Variants in PTPRA observed in about 807,000 individuals in gnomAD.
PTPRA encodes protein tyrosine phosphatase receptor type A, also known as receptor-type tyrosine-protein phosphatase alpha.
In PTPRA, 25 loss-of-function variants were observed where a neutral mutation model predicts 104.8. The observed-to-expected ratio is 0.24, with a 90% CI of 0.17 to 0.33. The LOEUF is 0.33. Ranked by LOEUF, PTPRA falls within the 10% of genes least tolerant of loss-of-function variation. PTPRA has a pLI of 1.00. For missense variants in PTPRA, 765 were observed against 1,015.3 expected (o/e 0.75, Z 3.35); for synonymous variants, 323 against 368.9 (o/e 0.88, Z 1.43).
At chr20:3,019,189 G>A (rs1225783240) in intron 13 of PTPRA, among the ~76,000 whole-genome samples, 5 of 145,370 alleles carry the variant, frequency 3.4e-5, no homozygotes, top group African/African-American at 1.1e-4. Context: ...CGGGGCGGCC[G>A]GCCGGGCGTG....
At chr20:2,876,701 A>G (rs1271891160) in intron 1 of PTPRA, among the ~76,000 whole-genome samples, 1 of 152,208 alleles carries the variant, frequency 6.6e-6, no homozygotes, top group East Asian at 1.9e-4. Flanking sequence ...TAGAAGTAGA[A>G]TTACTGGGTC....
intron 1 of PTPRA, among the ~76,000 whole-genome samples, chr20:2,884,258 T>C (rs1339924220): frequency 1.3e-5 from 2 of 149,454 alleles, no homozygotes; most frequent in South Asian, 2.1e-4. Context: ...TATATATATA[T>C]ACCTAGGAGT....
Position 2,897,514 on chromosome 20 carries a change from A to C in PTPRA, c.-129+23754A>C, listed in dbSNP as rs539096217. On this transcript the variant is annotated intron_variant, in intron 1 of 23. Coordinates refer to ENST00000399903, the MANE Select transcript of PTPRA (RefSeq NM_001385305.1). Reference sequence around the variant, plus strand: ...GTGATTCTGCCACCTCACCCTCCCAAGTAGCTGGGGTTACAGGCACCCGCC... The same window carrying C: ...GTGATTCTGCCACCTCACCCTCCCACGTAGCTGGGGTTACAGGCACCCGCC... Among the ~76,000 whole-genome samples the C allele has an allele frequency of 4.6e-5, 7 of 151,176 alleles. No individual in the cohort carries two copies. In the South Asian group the frequency reaches 1.3e-3, roughly 27 times the overall value.
In PTPRA at chr20:3,032,271, C is replaced by T. The variant is rs376292136; in HGVS notation, c.1921-3314C>T. ...GTCCACTGTGCTCTTGGCCCCATTCCGTCCTGCCTGCTCAGGGATGTTGCT... is the reference window on the plus strand; with the variant it reads ...GTCCACTGTGCTCTTGGCCCCATTCTGTCCTGCCTGCTCAGGGATGTTGCT... On this transcript the variant is annotated intron_variant, in intron 20 of 23. Transcript: ENST00000399903. 3.9e-5 allele frequency among the ~76,000 whole-genome samples: 6 copies of T among 152,310 alleles called. No individual in the cohort carries two copies. The South Asian group carries it at 8.3e-4, about 21-fold the overall frequency.
chr20:2,985,578 A>T (rs1406908254), intron 6 of PTPRA, among the ~76,000 whole-genome samples: 1 of 152,122 alleles, frequency 6.6e-6, no homozygotes, highest in Non-Finnish European at 1.5e-5. Flanking sequence ...TGCATGAGAA[A>T]ACAAGGCTAG....
At chr20:3,007,045 TTC>T (rs1425582688) in intron 10 of PTPRA, among the ~76,000 whole-genome samples, 1 of 152,192 alleles carries the variant, frequency 6.6e-6, no homozygotes, top group Non-Finnish European at 1.5e-5. Flanking sequence ...CTGTACACAT[TTC>T]TCTCTTTTAA....
chr20:3,016,498 A>G (rs1459687963), intron 12 of PTPRA, among the ~76,000 whole-genome samples: 2 of 152,234 alleles, frequency 1.3e-5, no homozygotes, highest in Admixed American at 1.3e-4. Context: ...CTGTAATCCT[A>G]ACACTTTGGG....
intron 5 of PTPRA, among the ~76,000 whole-genome samples, chr20:2,968,253 G>A (rs1193070381): frequency 2.0e-5 from 3 of 152,178 alleles, no homozygotes; most frequent in African/African-American, 7.2e-5. Context: ...AATTTTTAAA[G>A]TAATGCCCTA....
At chr20:3,018,557 A>C (rs962013057) in intron 13 of PTPRA, among the ~76,000 whole-genome samples, 3 of 151,956 alleles carry the variant, frequency 2.0e-5, no homozygotes, top group African/African-American at 7.3e-5. Context: ...TCACAGATCT[A>C]CAGGATCCCA....
chr20:2,986,708 AC>A, intron 6 of PTPRA, 56 bp from the exon 7 acceptor site: 8 of 1,462,424 alleles, frequency 5.5e-6, no homozygotes, highest in Non-Finnish European at 7.7e-6. Context: ...TGAATGGCTG[AC>A]TTAAGCCCTC....
At chr20:3,020,727 C>A (rs140835740) in intron 13 of PTPRA, among the ~76,000 whole-genome samples, 1 of 152,208 alleles carries the variant, frequency 6.6e-6, no homozygotes, top group Non-Finnish European at 1.5e-5. Context: ...CTTGAGTCAC[C>A]TTGATCCTAG....
Position 2,999,754 on chromosome 20 carries a change from TAG to T in PTPRA, c.739-5298_739-5297del, listed in dbSNP as rs770472793. On this transcript the variant is annotated intron_variant, in intron 9 of 23. Coordinates refer to ENST00000399903, the MANE Select transcript of PTPRA (RefSeq NM_001385305.1). Reference sequence around the variant, plus strand: ...TTTAAAGGACAAAAATGATAAAATGTAGAGATCATAATGTAGTAAAATATACT... The same window carrying T: ...TTTAAAGGACAAAAATGATAAAATGTAGATCATAATGTAGTAAAATATACT... Among the ~76,000 whole-genome samples the T allele has an allele frequency of 8.0e-4, 122 of 152,288 alleles. 1 individual carries two copies. Among genetic ancestry groups the T allele is most frequent in the Non-Finnish European group, 4.3e-4 (29 of 68,026 alleles).
At chr20:2,896,311 G>A (rs1041922023) in intron 1 of PTPRA, among the ~76,000 whole-genome samples, 11 of 152,152 alleles carry the variant, frequency 7.2e-5, no homozygotes, top group East Asian at 5.8e-4. Context: ...CCCGGGAGGT[G>A]GAGGTTGCAG....
intron 9 of PTPRA, among the ~76,000 whole-genome samples, chr20:2,997,609 G>T (rs943165532): frequency 6.6e-6 from 1 of 152,228 alleles, no homozygotes; most frequent in Non-Finnish European, 1.5e-5. Flanking sequence ...GCTAAAAGGA[G>T]ACTGTAGCAT....
upstream of PTPRA, among the ~76,000 whole-genome samples, chr20:2,870,890 A>G (rs115202001): frequency 4.8e-3 from 726 of 152,312 alleles, 5 homozygotes; most frequent in African/African-American, 0.016. Flanking sequence ...AGGCTTGGGC[A>G]CAGGAAACTG....
At position 2,984,802 on chromosome 20, in the gene PTPRA, C is replaced by G. The variant is rs564385696; in HGVS notation, c.443-1963C>G. On this transcript the variant is annotated intron_variant, in intron 6 of 23. Coordinates refer to ENST00000399903, the MANE Select transcript of PTPRA (RefSeq NM_001385305.1). ...CTGAGAGCTACCATGCTTGCTGTTC[C>G]CAGTGTCTAGAAAGCTCTTCACCCA... Among the ~76,000 whole-genome samples, 7 of 152,226 alleles carry G rather than the reference C, an allele frequency of 4.6e-5. No individual in the cohort carries two copies. In the East Asian group the frequency reaches 1.4e-3, roughly 29 times the overall value.
intron 6 of PTPRA, among the ~76,000 whole-genome samples, chr20:2,975,683 G>C (rs139173035): frequency 5.3e-4 from 80 of 152,200 alleles, no homozygotes; most frequent in African/African-American, 1.9e-3. Flanking sequence ...GCCCTTAAAT[G>C]TAAAGTCTCT....
rs2065858631 is a variant in PTPRA, at chr20:3,037,533, G to T, written c.2334+244G>T. Among the ~76,000 whole-genome samples, 1 of 152,232 alleles carries T rather than the reference G, an allele frequency of 6.6e-6. No homozygotes were observed. ...AAGGGGTGTCTGGGTGCCCCACAGGGCTCATCTGTACTTCTCTGTGGGTCT... is the reference window on the plus strand; with the variant it reads ...AAGGGGTGTCTGGGTGCCCCACAGGTCTCATCTGTACTTCTCTGTGGGTCT... On this transcript the variant is annotated intron_variant, in intron 23 of 23. Transcript: ENST00000399903. The surrounding 1 kb of genome is among the most constrained non-coding windows in gnomAD (Gnocchi z 4.3).
At chr20:2,879,840 A>G (rs1223371253) in intron 1 of PTPRA, among the ~76,000 whole-genome samples, 1 of 152,238 alleles carries the variant, frequency 6.6e-6, no homozygotes. Flanking sequence ...AATATAGCCT[A>G]GATACGTAGC....
Sources: allele counts gnomAD v4.1 joint callset (sites outside exome capture counted in the v4.1 genomes callset), GRCh38; gene constraint gnomAD v4.1.1; non-coding constraint Gnocchi (gnomAD v3.1); transcripts MANE v1.5; gene names NCBI Gene and HGNC (gene_info 2026-07-23, HGNC 2026-07-21).